Variants in ACTR3C observed in about 807,000 individuals in gnomAD.
ACTR3C encodes the protein actin-related protein 3C.
Under a neutral mutation model 26.3 loss-of-function variants are expected in ACTR3C, and 18 were observed. The ratio of observed to expected loss-of-function variants is 0.68; its 90% CI spans 0.47 to 1.01. ACTR3C has a LOEUF of 1.01. Ranked by LOEUF, ACTR3C falls within the 50% of genes least tolerant of loss-of-function variation. ACTR3C has a pLI of 0.00. For synonymous variants in ACTR3C, 55 were observed against 94.5 expected, an observed-to-expected ratio of 0.58 and a Z score of 2.42; for missense variants, 184 against 250.7, an observed-to-expected ratio of 0.73 and a Z score of 1.80.
the ACTR3C span, among the ~76,000 whole-genome samples, chr7:150,015,463 C>T: frequency 6.6e-6 from 1 of 152,176 alleles, no homozygotes; most frequent in African/African-American, 2.4e-5. Flanking sequence ...GCCACAGGAT[C>T]CATAACATAC....
the ACTR3C span, among the ~76,000 whole-genome samples, chr7:150,100,086 T>A: frequency 6.6e-6 from 1 of 151,662 alleles, no homozygotes; most frequent in Non-Finnish European, 1.5e-5. Context: ...GCTCTTCTGA[T>A]ATAGAGACTG....
chr7:150,288,724 G>C (rs554545999), intron 4 of ACTR3C, among the ~76,000 whole-genome samples: 1 of 146,714 alleles, frequency 6.8e-6, no homozygotes, highest in Admixed American at 6.7e-5. Context: ...TGAGATGGAA[G>C]GGACCACGTC....
the ACTR3C span, among the ~76,000 whole-genome samples, chr7:150,197,613 C>G: frequency 6.6e-6 from 1 of 152,128 alleles, no homozygotes; most frequent in Non-Finnish European, 1.5e-5. Context: ...GCTTGTTAGT[C>G]GATGATTCCC....
chr7:149,928,508 T>A, the ACTR3C span, among the ~76,000 whole-genome samples: 1 of 151,242 alleles, frequency 6.6e-6, no homozygotes, highest in East Asian at 2.0e-4. Context: ...TGTGAGCCAC[T>A]GCGCCTGGCC....
At chr7:149,932,235 AAG>A in the ACTR3C span, among the ~76,000 whole-genome samples, 2 of 152,216 alleles carry the variant, frequency 1.3e-5, no homozygotes, top group African/African-American at 4.8e-5. Context: ...CCATTCACAA[AAG>A]TCCAAATGAC....
chr7:149,889,991 A>G, the ACTR3C span, among the ~76,000 whole-genome samples: 3 of 152,258 alleles, frequency 2.0e-5, no homozygotes, highest in Non-Finnish European at 4.4e-5. Context: ...CAGGGAAAAA[A>G]AATCAAAGAC....
At chr7:149,888,865 G>A in the ACTR3C span, among the ~76,000 whole-genome samples, 11 of 152,166 alleles carry the variant, frequency 7.2e-5, no homozygotes, top group East Asian at 1.9e-4. Flanking sequence ...AAAAGTAGCC[G>A]GACGTGGTGG....
At chr7:150,191,087 T>C in the ACTR3C span, among the ~76,000 whole-genome samples, 1 of 152,204 alleles carries the variant, frequency 6.6e-6, no homozygotes, top group Admixed American at 6.5e-5. Flanking sequence ...ACCATATCAC[T>C]ATCCTTTGGC....
chr7:150,112,840 G>C, the ACTR3C span, among the ~76,000 whole-genome samples: 3 of 152,240 alleles, frequency 2.0e-5, no homozygotes, highest in Non-Finnish European at 4.4e-5. Context: ...CTGGCATGCT[G>C]TCTTCCCCCT....
the ACTR3C span, among the ~76,000 whole-genome samples, chr7:150,033,799 G>GGGC: frequency 6.6e-6 from 1 of 151,970 alleles, no homozygotes; most frequent in Non-Finnish European, 1.5e-5. Context: ...CAGAGCCAGG[G>GGGC]GGGGAAGAGG....
At chr7:149,919,899 G>T in the ACTR3C span, among the ~76,000 whole-genome samples, 1 of 132,892 alleles carries the variant, frequency 7.5e-6, no homozygotes, top group African/African-American at 2.9e-5. Context: ...TGAAAGATAC[G>T]ACAATTAGCA....
the ACTR3C span, among the ~76,000 whole-genome samples, chr7:150,036,405 C>A: frequency 0.36 from 48,168 of 134,886 alleles, 6,182 homozygotes; most frequent in African/African-American, 0.5. Context: ...GGTTAAAAGT[C>A]CAGCTGCCAT....
chr7:150,070,255 C>T, the ACTR3C span, among the ~76,000 whole-genome samples: 1 of 152,170 alleles, frequency 6.6e-6, no homozygotes, highest in African/African-American at 2.4e-5. Context: ...GAACAAGGAC[C>T]AGGTCTCAGG....
the ACTR3C span, among the ~76,000 whole-genome samples, chr7:150,220,046 A>G: frequency 6.8e-6 from 1 of 146,952 alleles, no homozygotes; most frequent in Non-Finnish European, 1.5e-5. Flanking sequence ...CCGCGGGTCT[A>G]CAAAACAGCA....
At chr7:149,998,569 G>T in the ACTR3C span, among the ~76,000 whole-genome samples, 1 of 149,488 alleles carries the variant, frequency 6.7e-6, no homozygotes, top group East Asian at 2.2e-4. Flanking sequence ...GAGCAAAAGG[G>T]GAAAAGCCCC....
At chr7:150,213,914 C>A in the ACTR3C span, among the ~76,000 whole-genome samples, 4 of 141,412 alleles carry the variant, frequency 2.8e-5, no homozygotes, top group Non-Finnish European at 6.1e-5. Flanking sequence ...GAAAGCTTCA[C>A]AAAGATTTAA....
At chr7:150,249,913 T>C (rs975744755) in intron 6 of ACTR3C, among the ~76,000 whole-genome samples, 5 of 152,206 alleles carry the variant, frequency 3.3e-5, no homozygotes, top group African/African-American at 1.2e-4. Flanking sequence ...ATCCTCCACT[T>C]TACTCCACGT....
At chr7:149,956,544 T>A in the ACTR3C span, among the ~76,000 whole-genome samples, 1 of 152,238 alleles carries the variant, frequency 6.6e-6, no homozygotes, top group Non-Finnish European at 1.5e-5. Context: ...TTTGTGGTAA[T>A]CCATCAGAGT....
At chr7:149,999,163 T>A in the ACTR3C span, among the ~76,000 whole-genome samples, 105 of 150,970 alleles carry the variant, frequency 7.0e-4, 7 homozygotes, top group African/African-American at 2.5e-3. Context: ...TGCGTAGTTT[T>A]AAGCCACTAA....
Sources: allele counts gnomAD v4.1 joint callset (sites outside exome capture counted in the v4.1 genomes callset), GRCh38; gene constraint gnomAD v4.1.1; transcripts MANE v1.5; gene names NCBI Gene and HGNC (gene_info 2026-07-23, HGNC 2026-07-21).